Variants in SYNE2 observed in about 807,000 individuals in gnomAD.
SYNE2 encodes spectrin repeat containing nuclear envelope protein 2.
In SYNE2, 431 loss-of-function variants were observed where a neutral mutation model predicts 856.3. The observed-to-expected ratio is 0.50, with a 90% confidence interval of 0.47 to 0.55. The LOEUF (loss-of-function observed/expected upper bound fraction) is 0.55, where lower values mean the gene tolerates loss of function less well. SYNE2 is among the 20% of genes least tolerant of loss of function. The pLI is 0.00. For synonymous variants in SYNE2, 2,923 were observed against 2,872.3 expected (o/e 1.02, Z -0.56); for missense variants, 8,129 against 8,023.2 (o/e 1.01, Z -0.50).
intron 52 of SYNE2, among the ~76,000 whole-genome samples, chr14:64,071,355 G>A (rs2097405739): frequency 6.6e-6 from 1 of 151,994 alleles, no homozygotes; most frequent in African/African-American, 2.4e-5. Context: ...TCAGCCGGGT[G>A]TGGTGGCAGG....
In SYNE2 at chr14:63,976,692, G is replaced by A. The variant is rs770304594; in HGVS notation, c.1258G>A (p.Val420Met). 9 of 1,613,192 alleles carry A rather than the reference G, an allele frequency of 5.6e-6. No individual in the cohort carries two copies. Among genetic ancestry groups the A allele is most frequent in the South Asian group, 5.5e-5 (5 of 91,050 alleles). The change falls in exon 12 of 116, where the codon GTG (valine) becomes ATG (methionine). Residue 420 changes from valine (V) to methionine (M), a missense_variant. This residue lies in a region of SYNE2 where 2,422 missense variants were observed against 2,357.4 expected (regional missense o/e 1.03). Transcript: ENST00000555002. ...LSASQDHSQA[V>M]TLIQEKMTLF... is the part of the protein sequence containing the mutation. ...AGCCTCCCAGGATCACTCTCAAGCC[G>A]TGACTCTGATACAAGAGAAAATGAC... is the stretch of plus-strand genomic sequence containing the variant.
chr14:64,098,255 A>C, intron 62 of SYNE2, 109 bp downstream of exon 62: 5 of 1,226,436 alleles, frequency 4.1e-6, no homozygotes, highest in Non-Finnish European at 5.9e-6. Flanking sequence ...CCTGTAGTAA[A>C]GGAATTTTTT....
rs772829991 is a variant in SYNE2, at chr14:64,125,214, GA to G, written c.13554+6del. ...AGCAAGTAACCTTCAGACACAGGTA[GA>G]AGCTGCACACAATGTGTTTTCCTCA... On this transcript the variant is annotated splice_donor_5th_base_variant and intron_variant, in intron 71 of 115. Transcript: ENST00000555002. 1 of 1,613,994 alleles carries G rather than the reference GA, an allele frequency of 6.2e-7. No individual in the cohort carries two copies. The highest frequency in any genetic ancestry group is 1.3e-5 in the African/African-American group (1 of 74,928).
intron 1 of SYNE2, among the ~76,000 whole-genome samples, chr14:63,796,655 CT>C (rs199968137): frequency 1.3e-5 from 2 of 150,958 alleles, no homozygotes; most frequent in Non-Finnish European, 3.0e-5. Flanking sequence ...AGTACCTTGC[CT>C]TTTTTTTTCT....
At chr14:63,905,261 C>T (rs1419011490) in intron 1 of SYNE2, among the ~76,000 whole-genome samples, 2 of 151,964 alleles carry the variant, frequency 1.3e-5, no homozygotes, top group Non-Finnish European at 2.9e-5. Flanking sequence ...TGGCTTTGTT[C>T]TTTTTTCTTA....
At position 63,997,367 on chromosome 14, in the gene SYNE2, A is replaced by G. The variant is rs764190576; in HGVS notation, c.3219A>G (p.Ser1073=). 5 of 1,613,394 alleles carry G rather than the reference A, an allele frequency of 3.1e-6. No individual in the cohort carries two copies. The South Asian group carries it at 3.3e-5, about 11-fold the overall frequency. Reference sequence around the variant, plus strand: ...ACAGTGAGGCACCATTTGCAAAATCAGATAATCAGCCATCAACTGAAAAGG... The same window carrying G: ...ACAGTGAGGCACCATTTGCAAAATCGGATAATCAGCCATCAACTGAAAAGG... The part of the protein sequence containing the change: ...DPHSEAPFAK[S]DNQPSTEKAM... The change falls in exon 25 of 116, where the codon TCA becomes TCG. Residue 1073 remains serine (S), a synonymous_variant. Coordinates refer to ENST00000555002, the MANE Select transcript of SYNE2 (RefSeq NM_182914.3).
Position 64,219,104 on chromosome 14 carries a change from G to GTTTTTTTGTTT in SYNE2, c.19658-97_19658-96insGTTTTTTTTTT, listed in dbSNP as rs772906156. 9.8e-6 allele frequency: 4 copies of GTTTTTTTGTTT among 407,786 alleles called. No individual in the cohort carries two copies. In the East Asian group the frequency reaches 1.8e-4, roughly 18 times the overall value. The allele number at this position is 407,786 out of a possible 1,614,324, so 25.3% of individuals were successfully genotyped here. A position where few individuals can be genotyped will look rare whatever the true frequency, so the allele number is the denominator to read the frequency against. On this transcript the variant is annotated intron_variant, in intron 109 of 115. Coordinates refer to ENST00000555002, the MANE Select transcript of SYNE2 (RefSeq NM_182914.3). ...CAGGGGAATCCCCTACAGTTTTTTT[G>GTTTTTTTGTTT]TTTTTTTTTTTTTTTTTTTTAACCA...
At chr14:63,911,190 A>C (rs11850711) in intron 2 of SYNE2, among the ~76,000 whole-genome samples, 1 of 151,846 alleles carries the variant, frequency 6.6e-6, no homozygotes, top group South Asian at 2.1e-4. Flanking sequence ...TTTCATTCAG[A>C]TTGTTTCCCT....
intron 1 of SYNE2, among the ~76,000 whole-genome samples, chr14:63,856,291 A>G (rs1399115992): frequency 6.6e-6 from 1 of 152,208 alleles, no homozygotes; most frequent in Non-Finnish European, 1.5e-5. Context: ...CATCAGGGAG[A>G]TTGAATAACT....
intron 11 of SYNE2, among the ~76,000 whole-genome samples, chr14:63,969,888 A>G (rs916931254): frequency 6.6e-6 from 1 of 152,094 alleles, no homozygotes. Context: ...AATGCTGTCA[A>G]ATTTTGCTTC....
In SYNE2 at chr14:64,134,268, C is replaced by T. The variant is rs544610811; in HGVS notation, c.14646+68C>T. 3.7e-5 allele frequency: 57 copies of T among 1,531,472 alleles called. 1 individual carries two copies. The African/African-American group carries it at 6.7e-4, about 18-fold the overall frequency. 94.9% of individuals were successfully genotyped at this position (1,531,472 alleles called of 1,614,324 possible). ...ACTTTGTGTTTTACATTTGTTTTGA[C>T]TAAGTGGCTTGATTTGGAAGGTTTG... On this transcript the variant is annotated intron_variant, in intron 78 of 115. Transcript: ENST00000555002.
intron 8 of SYNE2, chr14:63,956,326 A>G (rs2096241662): frequency 2.2e-6 from 1 of 444,636 alleles, no homozygotes; most frequent in South Asian, 1.6e-5. Context: ...AATGTAATAC[A>G]GTAATTGGGA....
intron 61 of SYNE2, among the ~76,000 whole-genome samples, chr14:64,097,567 C>T (rs576969979): frequency 2.6e-5 from 4 of 152,362 alleles, no homozygotes; most frequent in Admixed American, 1.3e-4. Flanking sequence ...AGTGTGCAGA[C>T]TCCGGGGCCC....
chr14:64,097,742 C>T (rs2097688804), intron 61 of SYNE2, among the ~76,000 whole-genome samples: 2 of 152,214 alleles, frequency 1.3e-5, no homozygotes, highest in African/African-American at 2.4e-5. Context: ...AAGGCTGAGG[C>T]ATCCTATAGC....
chr14:64,069,905 C>T (rs1009133546), intron 51 of SYNE2, among the ~76,000 whole-genome samples: 1 of 152,094 alleles, frequency 6.6e-6, no homozygotes, highest in Non-Finnish European at 1.5e-5. Flanking sequence ...TGAGTTTGAA[C>T]GTGGAGCAGG....
rs1396853642 is a variant in SYNE2, at chr14:63,974,886, GTGTGTGTATA to G, written c.1129-1675_1129-1666del. Among the ~76,000 whole-genome samples, 14 of 26,302 alleles carry G rather than the reference GTGTGTGTATA, an allele frequency of 5.3e-4. 1 individual carries two copies. Among genetic ancestry groups the G allele is most frequent in the African/African-American group, 9.8e-4 (8 of 8,136 alleles). 17.3% of individuals were successfully genotyped at this position (26,302 alleles called of 152,430 possible). A position where few individuals can be genotyped will look rare whatever the true frequency, so the allele number is the denominator to read the frequency against. On this transcript the variant is annotated intron_variant, in intron 11 of 115. Transcript: ENST00000555002. ...TGTGTGTGTGTGTGTGTGTGTGTGT[GTGTGTGTATA>G]TATATATATATATATATATATGTAT...
rs2098001076 is a variant in SYNE2, at chr14:64,130,226, A to G, written c.14318A>G (p.Gln4773Arg). The change falls in exon 76 of 116, where the codon CAG becomes CGG. Residue 4773 changes from glutamine (Q) to arginine (R), a missense_variant. Gln to Arg is a conservative substitution (Grantham distance 43). Coordinates refer to ENST00000555002, the MANE Select transcript of SYNE2 (RefSeq NM_182914.3). ...LKQTKSKVAL[Q>R]AQIENHKVFF... ...CAAACCAAAAGTAAAGTGGCGTTAC[A>G]GGCTCAAATAGAAAATCACAAGGTG... 6.2e-7 allele frequency: 1 copy of G among 1,612,874 alleles called. No individual in the cohort carries two copies. Among genetic ancestry groups the G allele is most frequent in the African/African-American group, 1.3e-5 (1 of 75,024 alleles).
intron 43 of SYNE2, among the ~76,000 whole-genome samples, chr14:64,028,390 G>C (rs919417183): frequency 6.6e-6 from 1 of 152,088 alleles, no homozygotes; most frequent in Non-Finnish European, 1.5e-5. Flanking sequence ...CTAGTAGCTA[G>C]GACTACAGGC....
At chr14:64,222,813 C>T (rs1382211973) in intron 112 of SYNE2, among the ~76,000 whole-genome samples, 1 of 152,096 alleles carries the variant, frequency 6.6e-6, no homozygotes, top group African/African-American at 2.4e-5. Flanking sequence ...GCCCGTTTGC[C>T]TGGTATGAAC....
Sources: gnomAD v4.1 joint callset for allele counts (sites outside exome capture counted in the v4.1 genomes callset) on GRCh38, gnomAD v4.1.1 for gene constraint, gnomAD v4.1.1 regional missense constraint, MANE v1.5 for transcripts, NCBI Gene and HGNC (gene_info 2026-07-23, HGNC 2026-07-21) for gene names.